The following TNFSF13B variants were observed in gnomAD, a reference collection of about 807,000 sequenced individuals.
TNFSF13B encodes the protein TNF superfamily member 13b.
Under a neutral mutation model 29.1 loss-of-function variants are expected in TNFSF13B, and 8 were observed. That is an observed-to-expected ratio of 0.27 (90% confidence interval 0.16 to 0.50). The LOEUF is 0.50. Among genes scored for constraint, TNFSF13B ranks in the 20% least tolerant of loss-of-function variants. The probability of loss-of-function intolerance (pLI) is 0.98; values close to 1 mark genes in which losing one functional copy is unlikely to be tolerated. For synonymous variants in TNFSF13B, 125 were observed against 130.8 expected, an observed-to-expected ratio of 0.96 and a Z score of 0.30; for missense variants, 248 against 334.9, an observed-to-expected ratio of 0.74 and a Z score of 2.03.
chr13:108,284,986 T>C (rs116128752), intron 2 of TNFSF13B, among the ~76,000 whole-genome samples: 95 of 152,326 alleles, frequency 6.2e-4, no homozygotes, highest in African/African-American at 2.2e-3. Context: ...TTTTCCATAC[T>C]TCCAGCAGAA....
intron 2 of TNFSF13B, among the ~76,000 whole-genome samples, chr13:108,272,130 A>G (rs746274475): frequency 4.6e-5 from 7 of 152,110 alleles, no homozygotes; most frequent in Non-Finnish European, 8.8e-5. Context: ...AATATCTCAC[A>G]TTTATTTTGA....
chr13:108,301,770 C>T (rs529593861), intron 3 of TNFSF13B, among the ~76,000 whole-genome samples: 1 of 152,120 alleles, frequency 6.6e-6, no homozygotes, highest in South Asian at 2.1e-4. Flanking sequence ...TTGAAAAATG[C>T]TAAATGAGTA....
At chr13:108,274,857 C>G (rs190820847) in intron 2 of TNFSF13B, among the ~76,000 whole-genome samples, 1 of 152,128 alleles carries the variant, frequency 6.6e-6, no homozygotes, top group Non-Finnish European at 1.5e-5. Flanking sequence ...GAACTTCACA[C>G]AAACTGTAGA....
chr13:108,282,705 T>C (rs1406045877), intron 2 of TNFSF13B, among the ~76,000 whole-genome samples: 1 of 152,186 alleles, frequency 6.6e-6, no homozygotes, highest in East Asian at 1.9e-4. Flanking sequence ...TAAATTCTCT[T>C]ATGCTGTAAA....
intron 3 of TNFSF13B, among the ~76,000 whole-genome samples, chr13:108,299,628 C>T (rs1881556991): frequency 6.6e-6 from 1 of 151,818 alleles, no homozygotes; most frequent in Non-Finnish European, 1.5e-5. Flanking sequence ...CATTAAAAGT[C>T]AAAAAATAAA....
intron 2 of TNFSF13B, 150 bp downstream of exon 2, chr13:108,270,574 G>A (rs1030772100): frequency 6.5e-5 from 50 of 763,596 alleles, no homozygotes; most frequent in African/African-American, 3.7e-4. Context: ...TTAGAGCAAA[G>A]CCCCAGCGCT....
intron 2 of TNFSF13B, among the ~76,000 whole-genome samples, chr13:108,282,461 G>C (rs1308715860): frequency 1.3e-5 from 2 of 152,102 alleles, no homozygotes; most frequent in Non-Finnish European, 2.9e-5. Flanking sequence ...ATGGTATTTA[G>C]ACATTATACT....
At chr13:108,279,115 C>T (rs558323227) in intron 2 of TNFSF13B, among the ~76,000 whole-genome samples, 3 of 152,270 alleles carry the variant, frequency 2.0e-5, no homozygotes, top group African/African-American at 7.2e-5. Context: ...TTTCATAAAG[C>T]TGGATTTAGT....
chr13:108,298,458 A>C (rs1318279357), intron 3 of TNFSF13B, among the ~76,000 whole-genome samples: 2 of 145,626 alleles, frequency 1.4e-5, no homozygotes, highest in Non-Finnish European at 3.0e-5. Context: ...AAAGTCATAA[A>C]TTTACATATC....
intron 5 of TNFSF13B, among the ~76,000 whole-genome samples, chr13:108,306,587 A>G (rs1881781343): frequency 6.6e-6 from 1 of 151,926 alleles, no homozygotes; most frequent in Admixed American, 6.6e-5. Context: ...GGGGAAGTCC[A>G]TTTTTTAATG....
rs939992906 is a variant in TNFSF13B, at chr13:108,305,298, C to G, written c.746-1528C>G. On this transcript the variant is annotated intron_variant, in intron 5 of 5. Coordinates refer to ENST00000375887, the MANE Select transcript of TNFSF13B (RefSeq NM_006573.5). Reference sequence around the variant, plus strand: ...AGCAACCTGAAAAGATGTAAATGGCCAACTTAAGAAACCCAACATAATACC... The same window carrying G: ...AGCAACCTGAAAAGATGTAAATGGCGAACTTAAGAAACCCAACATAATACC... Among the ~76,000 whole-genome samples the G allele has an allele frequency of 1.6e-4, 25 of 151,936 alleles. 1 individual carries two copies. Among genetic ancestry groups the G allele is most frequent in the African/African-American group, 6.0e-4 (25 of 41,358 alleles).
chr13:108,280,964 A>G (rs947215656), intron 2 of TNFSF13B, among the ~76,000 whole-genome samples: 1 of 152,172 alleles, frequency 6.6e-6, no homozygotes, highest in African/African-American at 2.4e-5. Flanking sequence ...GAGGTATTAG[A>G]GGTAATTAGA....
At chr13:108,296,316 T>C (rs1347881106) in intron 3 of TNFSF13B, among the ~76,000 whole-genome samples, 1 of 146,208 alleles carries the variant, frequency 6.8e-6, no homozygotes, top group African/African-American at 2.6e-5. Flanking sequence ...ATACATTGAC[T>C]CTGTTATCAA....
chr13:108,274,768 TC>T (rs1338714446), intron 2 of TNFSF13B, among the ~76,000 whole-genome samples: 4 of 152,162 alleles, frequency 2.6e-5, no homozygotes, highest in Non-Finnish European at 4.4e-5. Flanking sequence ...CCTTAAGTTG[TC>T]CTTTTTACTT....
intron 2 of TNFSF13B, among the ~76,000 whole-genome samples, chr13:108,275,572 A>C (rs1482361038): frequency 6.6e-6 from 1 of 152,110 alleles, no homozygotes; most frequent in Non-Finnish European, 1.5e-5. Context: ...GAATAGAAAA[A>C]ATTGTCCGTA....
intron 2 of TNFSF13B, among the ~76,000 whole-genome samples, chr13:108,274,097 A>G (rs1880693983): frequency 6.6e-6 from 1 of 152,176 alleles, no homozygotes; most frequent in Non-Finnish European, 1.5e-5. Flanking sequence ...AATACACTAC[A>G]TAATACATAT....
In TNFSF13B at chr13:108,308,191, C is replaced by T. The variant is rs1026020018; in HGVS notation, c.*1253C>T. The T allele has an allele frequency of 6.6e-6, 1 of 151,984 alleles. No homozygotes were observed. Among genetic ancestry groups the T allele is most frequent in the Non-Finnish European group, 1.5e-5 (1 of 67,972 alleles). 9.4% of individuals were successfully genotyped at this position (151,984 alleles called of 1,614,324 possible). A position where few individuals can be genotyped will look rare whatever the true frequency, so the allele number is the denominator to read the frequency against. ...TAGATGCCAGTCTATGAAAATCTTC[C>T]CATCTATATCAAAATACTTTTCAAG... is the stretch of plus-strand genomic sequence containing the variant. On this transcript the variant is annotated 3_prime_UTR_variant, in exon 6 of 6. Coordinates refer to ENST00000375887, the MANE Select transcript of TNFSF13B (RefSeq NM_006573.5).
chr13:108,279,072 C>G (rs199620232), intron 2 of TNFSF13B, among the ~76,000 whole-genome samples: 1 of 152,128 alleles, frequency 6.6e-6, no homozygotes, highest in South Asian at 2.1e-4. Context: ...TATGGAACCC[C>G]TTTTCCCTCA....
In TNFSF13B at chr13:108,270,385, A is replaced by G. The variant is rs148768599; in HGVS notation, c.385A>G (p.Ser129Gly). 1 of 1,614,146 alleles carries G rather than the reference A, an allele frequency of 6.2e-7. No individual in the cohort carries two copies. The highest frequency in any genetic ancestry group is 8.5e-7 in the Non-Finnish European group (1 of 1,179,976). Reference protein sequence around the residue: ...APGEGNSSQNSRNKRAVQGPE... With the variant: ...APGEGNSSQNGRNKRAVQGPE... ...AGGAGAAGGCAACTCCAGTCAGAAC[A>G]GCAGAAATAAGCGTGCCGTTCAGGG... Residue 129 changes from serine (S) to glycine (G), a missense_variant, in exon 2 of 6, where the codon AGC (serine) becomes GGC (glycine). Physicochemically the swap from Ser to Gly is moderately conservative, Grantham distance 56. Around this residue, in one of 2 missense-constraint regions of TNFSF13B, gnomAD observed 186 missense variants for 196.3 expected, o/e 0.95. Transcript: ENST00000375887.
Sources: gnomAD v4.1 joint callset for allele counts (sites outside exome capture counted in the v4.1 genomes callset) on GRCh38, gnomAD v4.1.1 for gene constraint, gnomAD v4.1.1 regional missense constraint, MANE v1.5 for transcripts, NCBI Gene and HGNC (gene_info 2026-07-23, HGNC 2026-07-21) for gene names.